Variants in APBB2 observed in about 807,000 individuals in gnomAD.
The protein encoded by APBB2 is Fe65-like 1.
In APBB2, 38 loss-of-function variants were observed where a neutral mutation model predicts 82.5. That is an observed-to-expected ratio of 0.46 (90% CI 0.36 to 0.60). The LOEUF (loss-of-function observed/expected upper bound fraction) is 0.60. APBB2 is among the 20% of genes least tolerant of loss of function. The pLI, the probability that APBB2 is intolerant of heterozygous loss-of-function variation, is 0.00. For synonymous variants in APBB2, 341 were observed against 368.2 expected, an observed-to-expected ratio of 0.93 and a Z score of 0.85; for missense variants, 772 against 972.3, an observed-to-expected ratio of 0.79 and a Z score of 2.74.
intron 6 of APBB2, among the ~76,000 whole-genome samples, chr4:41,009,173 T>C (rs1180943549): frequency 6.6e-6 from 1 of 151,454 alleles, no homozygotes; most frequent in Non-Finnish European, 1.5e-5. Context: ...AACAGGTATT[T>C]ATTTATCTGA....
At chr4:40,861,696 T>G (rs1762800912) in intron 12 of APBB2, among the ~76,000 whole-genome samples, 1 of 152,188 alleles carries the variant, frequency 6.6e-6, no homozygotes, top group Non-Finnish European at 1.5e-5. Flanking sequence ...ACAGGTCTGG[T>G]TCACAGAAAG....
intron 4 of APBB2, among the ~76,000 whole-genome samples, chr4:41,038,736 C>A (rs899883462): frequency 6.6e-6 from 1 of 152,194 alleles, no homozygotes; most frequent in African/African-American, 2.4e-5. Flanking sequence ...CTTATAATAA[C>A]CCCTTTATTA....
chr4:40,866,791 C>T (rs1373480578), intron 12 of APBB2, among the ~76,000 whole-genome samples: 2 of 152,168 alleles, frequency 1.3e-5, no homozygotes, highest in Admixed American at 1.3e-4. Flanking sequence ...GATCTCTACT[C>T]ACTGAAACCT....
intron 1 of APBB2, among the ~76,000 whole-genome samples, chr4:41,201,588 C>T (rs1173842796): frequency 6.6e-6 from 1 of 152,150 alleles, no homozygotes; most frequent in African/African-American, 2.4e-5. Flanking sequence ...GCACACGTGG[C>T]TCAGGGAGAA....
chr4:41,023,105 T>C (rs1712392174), intron 5 of APBB2, among the ~76,000 whole-genome samples: 1 of 152,196 alleles, frequency 6.6e-6, no homozygotes, highest in Non-Finnish European at 1.5e-5. Context: ...AAGGAATATT[T>C]AGAGTCAAAA....
intron 1 of APBB2, among the ~76,000 whole-genome samples, chr4:41,179,312 A>AC (rs1560966656): frequency 3.3e-5 from 5 of 152,238 alleles, no homozygotes; most frequent in African/African-American, 2.4e-5. Flanking sequence ...GAGTACCTCA[A>AC]TTGGGAAGTA....
chr4:41,062,185 T>A (rs1252883777), intron 4 of APBB2, among the ~76,000 whole-genome samples: 1 of 150,556 alleles, frequency 6.6e-6, no homozygotes, highest in African/African-American at 2.4e-5. Flanking sequence ...TATTTATTTA[T>A]TTATTATTTT....
intron 1 of APBB2, among the ~76,000 whole-genome samples, chr4:41,181,838 C>G (rs1771448342): frequency 6.6e-6 from 1 of 150,492 alleles, no homozygotes. Context: ...CCCAGCTACT[C>G]AGGAGGCTGA....
chr4:40,964,243 G>A (rs1028635671), intron 6 of APBB2, among the ~76,000 whole-genome samples: 4 of 152,052 alleles, frequency 2.6e-5, no homozygotes, highest in African/African-American at 9.7e-5. Flanking sequence ...GGTCACCCTG[G>A]AAAAGCTTGA....
intron 6 of APBB2, among the ~76,000 whole-genome samples, chr4:40,964,775 C>CACACACACACACACACACACA (rs1170561072): frequency 6.6e-6 from 1 of 151,788 alleles, no homozygotes; most frequent in Admixed American, 6.6e-5. Context: ...CACACACACA[C>CACACACACACACACACACACA]AACAATGCAC....
chr4:40,893,345 T>A lies in APBB2; in HGVS notation c.1321A>T (p.Ser441Cys). 1 of 1,613,684 alleles carries A rather than the reference T, an allele frequency of 6.2e-7. No individual in the cohort carries two copies. Among genetic ancestry groups the A allele is most frequent in the Non-Finnish European group, 8.5e-7 (1 of 1,179,860 alleles). Residue 441 changes from serine (S) to cysteine (C), a missense_variant, in exon 11 of 18, where the codon AGT becomes TGT. Ser to Cys is a moderately radical substitution (Grantham distance 112, BLOSUM62 -1). Coordinates refer to ENST00000508593, the MANE Select transcript of APBB2 (RefSeq NM_004307.2). The stretch of plus-strand genomic sequence containing the variant: ...CTGATGCAGTTGTTGACCGCAACAC[T>A]ACTTTTACCGGGGGCGAGGTCCTCT... ...AEEDLAPGKS[S>C]VAVNNCIRQL...
At chr4:41,106,499 T>C (rs1387112511) in intron 2 of APBB2, among the ~76,000 whole-genome samples, 9 of 152,014 alleles carry the variant, frequency 5.9e-5, no homozygotes. Flanking sequence ...TTGTTTGAGA[T>C]GGAGTCTTGC....
chr4:41,134,168 A>C (rs564259440), intron 2 of APBB2, among the ~76,000 whole-genome samples: 1 of 152,078 alleles, frequency 6.6e-6, no homozygotes, highest in East Asian at 2.0e-4. Flanking sequence ...TTTTTTGTAG[A>C]GATAGGTTGT....
intron 1 of APBB2, among the ~76,000 whole-genome samples, chr4:41,208,881 G>A (rs1778625356): frequency 6.6e-6 from 1 of 152,036 alleles, no homozygotes; most frequent in Non-Finnish European, 1.5e-5. Context: ...TATATATTGG[G>A]ATTTTTCTCT....
At chr4:41,099,245 T>G (rs918506034) in intron 3 of APBB2, among the ~76,000 whole-genome samples, 9 of 152,176 alleles carry the variant, frequency 5.9e-5, no homozygotes, top group Non-Finnish European at 1.2e-4. Context: ...GTGTTTTTTT[T>G]GGGATGGAGT....
Position 41,014,267 on chromosome 4 carries a change from C to G in APBB2, c.151G>C (p.Ala51Pro). ...TTGGTTTCTGTGTGTTTTATTTCAG[C>G]GTTCAACAGTTCATTGTGGGAGGAT... ...LRSSHNELLN[A>P]EIKHTETKNS... Residue 51 changes from alanine to proline, a missense_variant, in exon 6 of 18, where the codon GCT (alanine) becomes CCT (proline). Transcript: ENST00000508593. The G allele has an allele frequency of 6.2e-7, 1 of 1,614,104 alleles. No homozygotes were observed. Among genetic ancestry groups the G allele is most frequent in the African/African-American group, 1.3e-5 (1 of 75,010 alleles).
intron 10 of APBB2, among the ~76,000 whole-genome samples, chr4:40,929,051 T>C (rs1379068031): frequency 6.6e-6 from 1 of 151,346 alleles, no homozygotes; most frequent in Non-Finnish European, 1.5e-5. Flanking sequence ...ACAGTGTTTA[T>C]TAATAATTTT....
chr4:40,948,484 G>C (rs1054033229), intron 6 of APBB2, among the ~76,000 whole-genome samples: 5 of 152,108 alleles, frequency 3.3e-5, no homozygotes, highest in African/African-American at 9.7e-5. Context: ...AGGACGGCTA[G>C]GGGCAGTGGC....
At chr4:41,141,367 C>T (rs148136495) in intron 2 of APBB2, among the ~76,000 whole-genome samples, 321 of 151,988 alleles carry the variant, frequency 2.1e-3, no homozygotes, top group African/African-American at 6.7e-3. Flanking sequence ...TGTGTGCACA[C>T]GCGCATGTGT....
Sources: gnomAD v4.1 joint callset for allele counts (sites outside exome capture counted in the v4.1 genomes callset) on GRCh38, gnomAD v4.1.1 for gene constraint, MANE v1.5 for transcripts, NCBI Gene and HGNC (gene_info 2026-07-23, HGNC 2026-07-21) for gene names.